The following CDIN1 variants were observed in gnomAD, a reference collection of about 807,000 sequenced individuals.
CDIN1 encodes CDAN1-interacting nuclease 1.
CDIN1 carries 33 observed loss-of-function variants against 45.3 expected under a neutral mutation model. The observed-to-expected ratio is 0.73, with a 90% CI of 0.55 to 0.97. The LOEUF (loss-of-function observed/expected upper bound fraction) is 0.97, where lower values mean the gene tolerates loss of function less well. Ranked by LOEUF, CDIN1 falls within the 50% of genes least tolerant of loss-of-function variation. CDIN1 has a pLI of 0.00. For missense variants in CDIN1, 303 were observed against 339.4 expected, an observed-to-expected ratio of 0.89 and a Z score of 0.84; for synonymous variants, 118 against 124.4, an observed-to-expected ratio of 0.95 and a Z score of 0.34.
intron 7 of CDIN1, among the ~76,000 whole-genome samples, chr15:36,692,561 A>G (rs1360942256): frequency 3.9e-5 from 6 of 152,238 alleles, no homozygotes; most frequent in Admixed American, 3.9e-4. Flanking sequence ...TGAATTTACG[A>G]GAATAAATTT....
At chr15:36,662,780 A>G (rs2041066770) in intron 5 of CDIN1, among the ~76,000 whole-genome samples, 1 of 151,890 alleles carries the variant, frequency 6.6e-6, no homozygotes, top group South Asian at 2.1e-4. Context: ...AGTGGAATGT[A>G]TCATGTGTGT....
chr15:36,653,361 T>C (rs1176910512), intron 3 of CDIN1, among the ~76,000 whole-genome samples: 2 of 151,940 alleles, frequency 1.3e-5, no homozygotes, highest in African/African-American at 4.8e-5. Context: ...ATGAAGAACC[T>C]TACAAGAGCT....
At chr15:36,620,069 C>T (rs1046425134) in intron 1 of CDIN1, among the ~76,000 whole-genome samples, 1 of 152,014 alleles carries the variant, frequency 6.6e-6, no homozygotes, top group Non-Finnish European at 1.5e-5. Flanking sequence ...TTGAAAATTT[C>T]GGCCGGGTGC....
intron 10 of CDIN1, among the ~76,000 whole-genome samples, chr15:36,784,920 C>A (rs1031263838): frequency 1.3e-5 from 2 of 152,104 alleles, no homozygotes; most frequent in Admixed American, 1.3e-4. Flanking sequence ...TGTGGTATGG[C>A]AGGTGTGATT....
intron 10 of CDIN1, among the ~76,000 whole-genome samples, chr15:36,749,244 C>T (rs1268351866): frequency 6.6e-6 from 1 of 152,164 alleles, no homozygotes; most frequent in Non-Finnish European, 1.5e-5. Flanking sequence ...AAGCAAGCAG[C>T]ATATGATACT....
intron 5 of CDIN1, among the ~76,000 whole-genome samples, chr15:36,671,961 T>C (rs945893366): frequency 6.6e-6 from 1 of 152,248 alleles, no homozygotes; most frequent in Admixed American, 6.5e-5. Context: ...TGCACTGTTT[T>C]AATTAATCAT....
intron 1 of CDIN1, chr15:36,617,261 C>G (rs1288368646): frequency 1.0e-6 from 1 of 987,376 alleles, no homozygotes; most frequent in Non-Finnish European, 1.6e-6. Context: ...GAGGTTAATG[C>G]AGAGCTCTCA....
At chr15:36,691,289 G>A (rs139576275) in intron 5 of CDIN1, 123 of 438,044 alleles carry the variant, frequency 2.8e-4, no homozygotes, top group South Asian at 7.5e-4. Flanking sequence ...AAAGACTTCA[G>A]ATCTGACCTG....
chr15:36,665,000 C>T (rs1236777687), intron 5 of CDIN1, among the ~76,000 whole-genome samples: 1 of 152,166 alleles, frequency 6.6e-6, no homozygotes, highest in Non-Finnish European at 1.5e-5. Flanking sequence ...TTCTTGAAAG[C>T]TCCACTGTAT....
intron 10 of CDIN1, among the ~76,000 whole-genome samples, chr15:36,785,887 C>G (rs1400374116): frequency 6.6e-6 from 1 of 152,176 alleles, no homozygotes; most frequent in Non-Finnish European, 1.5e-5. Flanking sequence ...ACACACTGCT[C>G]TTAATGGTGG....
At chr15:36,761,585 G>A (rs1219155815) in intron 10 of CDIN1, among the ~76,000 whole-genome samples, 1 of 152,154 alleles carries the variant, frequency 6.6e-6, no homozygotes, top group Non-Finnish European at 1.5e-5. Context: ...GTCAGGGAGG[G>A]AAGTTTCCCA....
chr15:36,731,602 T>A (rs1020738673), intron 10 of CDIN1, among the ~76,000 whole-genome samples: 3 of 152,178 alleles, frequency 2.0e-5, no homozygotes, highest in Non-Finnish European at 1.5e-5. Flanking sequence ...GTAATTTTCA[T>A]CAGCATTTTC....
chr15:36,692,900 T>C (rs1234101815), intron 7 of CDIN1, among the ~76,000 whole-genome samples: 1 of 152,166 alleles, frequency 6.6e-6, no homozygotes, highest in African/African-American at 2.4e-5. Context: ...AACAGCAAGG[T>C]TTTTGATAAT....
intron 5 of CDIN1, among the ~76,000 whole-genome samples, chr15:36,677,946 A>G (rs1286567504): frequency 3.3e-5 from 5 of 152,214 alleles, no homozygotes; most frequent in Non-Finnish European, 7.3e-5. Context: ...TAAGGCTGCA[A>G]GTTGCCTGAG....
intron 1 of CDIN1, among the ~76,000 whole-genome samples, chr15:36,602,479 G>T (rs1306664303): frequency 3.3e-5 from 5 of 152,112 alleles, no homozygotes; most frequent in Non-Finnish European, 7.4e-5. Flanking sequence ...AAAATAAGGG[G>T]GCTGATGTTA....
intron 1 of CDIN1, among the ~76,000 whole-genome samples, chr15:36,609,228 C>G (rs368453292): frequency 3.9e-5 from 6 of 152,234 alleles, no homozygotes; most frequent in Admixed American, 1.3e-4. Context: ...GTTATCCAGG[C>G]TGGTCATAAA....
chr15:36,600,964 A>G (rs2038068377), intron 1 of CDIN1, among the ~76,000 whole-genome samples: 1 of 152,004 alleles, frequency 6.6e-6, no homozygotes, highest in Admixed American at 6.5e-5. Flanking sequence ...ATTGACTTTT[A>G]TTCGTGAGTG....
At chr15:36,762,618 T>G (rs1235420320) in intron 10 of CDIN1, among the ~76,000 whole-genome samples, 2 of 152,136 alleles carry the variant, frequency 1.3e-5, no homozygotes, top group East Asian at 3.9e-4. Flanking sequence ...ACATTAGGTA[T>G]ATCTCCTAAT....
chr15:36,614,338 C>T (rs1186552029), intron 1 of CDIN1: 4 of 543,662 alleles, frequency 7.4e-6, no homozygotes, highest in African/African-American at 3.7e-5. Context: ...ACCCCCTTCT[C>T]CCCTGTGGCT....
Sources: gnomAD v4.1 joint callset for allele counts (sites outside exome capture counted in the v4.1 genomes callset) on GRCh38, gnomAD v4.1.1 for gene constraint, MANE v1.5 for transcripts, NCBI Gene and HGNC (gene_info 2026-07-23, HGNC 2026-07-21) for gene names.